Variants in PTPRZ1 observed in about 807,000 individuals in gnomAD.
The protein encoded by PTPRZ1 is protein tyrosine phosphatase receptor type Z1, also known as receptor-type tyrosine-protein phosphatase zeta.
In PTPRZ1, 82 loss-of-function variants were observed where a neutral mutation model predicts 214.1. The ratio of observed to expected loss-of-function variants is 0.38; its 90% CI spans 0.32 to 0.46. The LOEUF (loss-of-function observed/expected upper bound fraction) is 0.46. Among genes scored for constraint, PTPRZ1 ranks in the 20% least tolerant of loss-of-function variants. PTPRZ1 has a pLI of 1.00. For synonymous variants in PTPRZ1, 945 were observed against 987.9 expected, an observed-to-expected ratio of 0.96 and a Z score of 0.81; for missense variants, 2,603 against 2,748.7, an observed-to-expected ratio of 0.95 and a Z score of 1.19.
At chr7:122,046,160 G>A (rs1791972104) in intron 23 of PTPRZ1, among the ~76,000 whole-genome samples, 1 of 152,202 alleles carries the variant, frequency 6.6e-6, no homozygotes, top group Non-Finnish European at 1.5e-5. Flanking sequence ...CAGGCCAGGT[G>A]CAGTGGGTCA....
At chr7:121,996,663 CT>C in intron 9 of PTPRZ1, 97 bp downstream of exon 9, 1 of 1,016,190 alleles carries the variant, frequency 9.8e-7, no homozygotes, top group South Asian at 2.9e-5. Context: ...TCCTCCATTA[CT>C]TTTAGACTTT....
intron 11 of PTPRZ1, among the ~76,000 whole-genome samples, chr7:122,007,633 T>C (rs1798531299): frequency 6.6e-6 from 1 of 152,078 alleles, no homozygotes; most frequent in Admixed American, 6.6e-5. Context: ...TTTTAATCCC[T>C]GAATATAGAA....
chr7:121,957,236 C>A (rs1796735782), intron 2 of PTPRZ1, among the ~76,000 whole-genome samples: 1 of 152,116 alleles, frequency 6.6e-6, no homozygotes, highest in Admixed American at 6.5e-5. Context: ...GTTTAGCAGA[C>A]AATCTCGCGG....
At position 121,976,825 on chromosome 7, in the gene PTPRZ1, A is replaced by G. The variant is rs758011095; in HGVS notation, c.593A>G (p.Asp198Gly). The G allele has an allele frequency of 6.2e-7, 1 of 1,611,352 alleles. No homozygotes were observed. Among genetic ancestry groups the G allele is most frequent in the East Asian group, 2.2e-5 (1 of 44,670 alleles). ...EENLDFKAII[D>G]GVESVSRFGK... ...AATTTGGATTTCAAAGCGATTATTGATGGAGTCGAAAGTGTTAGTCGTTTT... is the reference window on the plus strand; with the variant it reads ...AATTTGGATTTCAAAGCGATTATTGGTGGAGTCGAAAGTGTTAGTCGTTTT... The change falls in exon 6 of 30, where the codon GAT becomes GGT. Residue 198 changes from aspartate to glycine, a missense_variant. Physicochemically the swap from Asp to Gly is moderately conservative, Grantham distance 94. This residue lies in a region of PTPRZ1 where 244 missense variants were observed against 333.2 expected (regional missense o/e 0.73). Coordinates refer to ENST00000393386, the MANE Select transcript of PTPRZ1 (RefSeq NM_002851.3).
At chr7:122,030,141 G>C (rs919895324) in intron 14 of PTPRZ1, among the ~76,000 whole-genome samples, 2 of 151,992 alleles carry the variant, frequency 1.3e-5, no homozygotes, top group African/African-American at 4.8e-5. Flanking sequence ...AAACTCCCCT[G>C]TTTTGAGTGT....
chr7:121,939,018 T>C (rs1368730084), intron 2 of PTPRZ1, among the ~76,000 whole-genome samples: 1 of 152,188 alleles, frequency 6.6e-6, no homozygotes, highest in Non-Finnish European at 1.5e-5. Context: ...TATCCATGTG[T>C]CTGAGGCAGA....
At chr7:122,019,337 A>G in intron 13 of PTPRZ1, 69 bp downstream of exon 13, 3 of 1,426,032 alleles carry the variant, frequency 2.1e-6, no homozygotes, top group Non-Finnish European at 2.9e-6. Context: ...TTCATCTGAA[A>G]GGTCTTCAAA....
Position 122,012,815 on chromosome 7 carries a change from C to T in PTPRZ1, c.3769C>T (p.Leu1257Phe). Reference sequence around the variant, plus strand: ...TACTTCTCATATGCACTCTGCTTCACTTCAAGGTTTGACCATTTCCTATGC... The same window carrying T: ...TACTTCTCATATGCACTCTGCTTCATTTCAAGGTTTGACCATTTCCTATGC... ...SPTSHMHSAS[L>F]QGLTISYASE... Residue 1257 changes from leucine (L) to phenylalanine (F), a missense_variant, in exon 12 of 30, where the codon CTT becomes TTT. Leu to Phe is a conservative substitution (Grantham distance 22). Coordinates refer to ENST00000393386, the MANE Select transcript of PTPRZ1 (RefSeq NM_002851.3). The T allele has an allele frequency of 1.2e-6, 2 of 1,612,438 alleles. No homozygotes were observed. The highest frequency in any genetic ancestry group is 1.7e-6 in the Non-Finnish European group (2 of 1,178,488).
At chr7:121,908,615 CT>C (rs1359934585) in intron 1 of PTPRZ1, 1 of 380,740 alleles carries the variant, frequency 2.6e-6, no homozygotes, top group African/African-American at 2.1e-5. Flanking sequence ...TTCCATTACC[CT>C]TTAATTACAA....
intron 15 of PTPRZ1, among the ~76,000 whole-genome samples, chr7:122,032,891 T>A (rs1451715252): frequency 6.6e-6 from 1 of 152,168 alleles, no homozygotes; most frequent in Non-Finnish European, 1.5e-5. Context: ...TTTTTTATTA[T>A]TTTGACAGGC....
intron 1 of PTPRZ1, among the ~76,000 whole-genome samples, chr7:121,890,069 C>T (rs1346938504): frequency 6.6e-6 from 1 of 152,158 alleles, no homozygotes; most frequent in Admixed American, 6.6e-5. Context: ...TTTGCATCTA[C>T]ACTATTTGCA....
chr7:121,963,819 G>T (rs1796954525), intron 2 of PTPRZ1, among the ~76,000 whole-genome samples: 1 of 152,002 alleles, frequency 6.6e-6, no homozygotes, highest in Admixed American at 6.6e-5. Context: ...TTCCTTGACT[G>T]CCTATCCTGC....
At chr7:121,955,429 C>CTTTG (rs71172155) in intron 2 of PTPRZ1, among the ~76,000 whole-genome samples, 41,918 of 150,476 alleles carry the variant, frequency 0.28, 6,904 homozygotes, top group Non-Finnish European at 0.35. Context: ...TCCACCAGGG[C>CTTTG]TTTGTTTGTT....
chr7:122,059,557 C>A, intron 28 of PTPRZ1, 196 bp from the exon 29 acceptor site: 1 of 580,582 alleles, frequency 1.7e-6, no homozygotes, highest in South Asian at 2.8e-5. Flanking sequence ...AAGTATTCCA[C>A]TATTGATATC....
At chr7:121,907,437 T>G (rs993418136) in intron 1 of PTPRZ1, among the ~76,000 whole-genome samples, 1 of 151,956 alleles carries the variant, frequency 6.6e-6, no homozygotes. Context: ...AAGACACATT[T>G]TTTTAGGACA....
intron 12 of PTPRZ1, among the ~76,000 whole-genome samples, chr7:122,014,734 G>A (rs1798795806): frequency 6.6e-6 from 1 of 152,136 alleles, no homozygotes; most frequent in Admixed American, 6.5e-5. Flanking sequence ...CACTGCACCA[G>A]GCCAGGGAGG....
At chr7:121,928,669 A>G (rs1052060416) in intron 2 of PTPRZ1, among the ~76,000 whole-genome samples, 2 of 152,232 alleles carry the variant, frequency 1.3e-5, no homozygotes, top group African/African-American at 4.8e-5. Context: ...CATTTAACAA[A>G]TATTGATGGG....
intron 18 of PTPRZ1, among the ~76,000 whole-genome samples, chr7:122,037,300 G>C (rs1022273220): frequency 1.3e-5 from 2 of 152,040 alleles, no homozygotes; most frequent in Admixed American, 1.3e-4. Context: ...GTGAAGGGCA[G>C]GGCCAAGGCT....
In PTPRZ1 at chr7:122,012,609, C is replaced by T; in HGVS notation, c.3563C>T (p.Ala1188Val). The T allele has an allele frequency of 1.2e-6, 2 of 1,613,636 alleles. No individual in the cohort carries two copies. The highest frequency in any genetic ancestry group is 1.7e-6 in the Non-Finnish European group (2 of 1,179,580). The change falls in exon 12 of 30, where the codon GCT (alanine) becomes GTT (valine). Residue 1188 changes from alanine to valine, a missense_variant. Ala to Val is a moderately conservative substitution (Grantham distance 64). Around this residue, in one of 6 missense-constraint regions of PTPRZ1, gnomAD observed 1,913 missense variants for 1,914.3 expected, o/e 1.00. Coordinates refer to ENST00000393386, the MANE Select transcript of PTPRZ1 (RefSeq NM_002851.3). ...GTATTGCTACAACCTTCCTTTCAGGCTTCTGATGTTGACACCTTGCTTAAA... is the reference window on the plus strand; with the variant it reads ...GTATTGCTACAACCTTCCTTTCAGGTTTCTGATGTTGACACCTTGCTTAAA... Reference protein sequence around the residue: ...TEVLLQPSFQASDVDTLLKTV... With the variant: ...TEVLLQPSFQVSDVDTLLKTV...
Sources: allele counts gnomAD v4.1 joint callset (sites outside exome capture counted in the v4.1 genomes callset), GRCh38; gene constraint gnomAD v4.1.1; regional missense constraint gnomAD v4.1.1; transcripts MANE v1.5; gene names NCBI Gene and HGNC (gene_info 2026-07-23, HGNC 2026-07-21).